The following LGR5 variants were observed in gnomAD, a reference collection of about 807,000 sequenced individuals.
LGR5 encodes the protein leucine rich repeat containing G protein-coupled receptor 5.
Under a neutral mutation model 76.7 loss-of-function variants are expected in LGR5, and 54 were observed. That is an observed-to-expected ratio of 0.70 (90% CI 0.57 to 0.88). LGR5 has a LOEUF of 0.88. LGR5 is among the 40% of genes least tolerant of loss of function. The pLI, the probability that LGR5 is intolerant of heterozygous loss-of-function variation, is 0.00. For missense variants in LGR5, 1,078 were observed against 1,073.3 expected (o/e 1.00, Z -0.06); for synonymous variants, 406 against 421.9 (o/e 0.96, Z 0.46).
At chr12:71,527,029 A>G (rs1208576654) in intron 3 of LGR5, among the ~76,000 whole-genome samples, 4 of 152,070 alleles carry the variant, frequency 2.6e-5, no homozygotes, top group African/African-American at 7.2e-5. Flanking sequence ...GGGATCCCAT[A>G]TGTTAAGTCA....
Position 71,585,511 on chromosome 12 carries a change from C to T in LGR5, c.*777C>T, listed in dbSNP as rs1879284236. ...GTTTTTAACTCCTTGGTGCCCAAAG[C>T]TCAGAAGGGAATTCCACTGCCAGCA... On this transcript the variant is annotated 3_prime_UTR_variant, in exon 18 of 18. Transcript: ENST00000266674. The T allele has an allele frequency of 6.6e-6, 1 of 152,180 alleles. No individual in the cohort carries two copies. The highest frequency in any genetic ancestry group is 1.9e-4 in the East Asian group (1 of 5,194). The allele number at this position is 152,180 out of a possible 1,614,324, so 9.4% of individuals were successfully genotyped here. A position where few individuals can be genotyped will look rare whatever the true frequency, so the allele number is the denominator to read the frequency against.
At chr12:71,486,683 C>T (rs55839623) in intron 1 of LGR5, among the ~76,000 whole-genome samples, 13,629 of 152,044 alleles carry the variant, frequency 0.09, 653 homozygotes, top group Non-Finnish European at 0.11. Flanking sequence ...ATCAAGAACC[C>T]GTTTATTTTG....
At chr12:71,507,624 A>G (rs1404627973) in intron 2 of LGR5, among the ~76,000 whole-genome samples, 5 of 152,188 alleles carry the variant, frequency 3.3e-5, no homozygotes, top group Non-Finnish European at 7.4e-5. Flanking sequence ...GTCTTCGATA[A>G]TATTTTTTAC....
intron 3 of LGR5, among the ~76,000 whole-genome samples, chr12:71,531,936 G>A (rs1383540985): frequency 6.6e-6 from 1 of 152,084 alleles, no homozygotes; most frequent in East Asian, 1.9e-4. Context: ...GATATATAAA[G>A]CAGCAGAGAA....
intron 6 of LGR5, among the ~76,000 whole-genome samples, chr12:71,559,299 C>T (rs1412870008): frequency 4.6e-5 from 7 of 152,172 alleles, no homozygotes; most frequent in Admixed American, 3.3e-4. Flanking sequence ...ATCTCTCCTA[C>T]TTAGAAGTTA....
chr12:71,556,163 C>T (rs777670205), intron 5 of LGR5, among the ~76,000 whole-genome samples: 1 of 151,956 alleles, frequency 6.6e-6, no homozygotes, highest in Non-Finnish European at 1.5e-5. Context: ...CACGCTGGGG[C>T]CTCTCAGAGG....
chr12:71,553,547 T>C (rs1877604720), intron 5 of LGR5, among the ~76,000 whole-genome samples: 1 of 152,152 alleles, frequency 6.6e-6, no homozygotes, highest in Non-Finnish European at 1.5e-5. Flanking sequence ...GAGAAGCCCC[T>C]TGCATGTTGC....
At chr12:71,553,872 C>T (rs964645603) in intron 5 of LGR5, among the ~76,000 whole-genome samples, 2 of 152,186 alleles carry the variant, frequency 1.3e-5, no homozygotes, top group Non-Finnish European at 2.9e-5. Flanking sequence ...GGGTGTATCA[C>T]TTGAGGTCAG....
At chr12:71,514,985 C>T (rs1466165865) in intron 2 of LGR5, among the ~76,000 whole-genome samples, 1 of 152,156 alleles carries the variant, frequency 6.6e-6, no homozygotes, top group East Asian at 1.9e-4. Context: ...ACTAAATTGG[C>T]TTCTGCAAAT....
At chr12:71,455,606 C>T (rs2137217558) in intron 1 of LGR5, among the ~76,000 whole-genome samples, 1 of 152,300 alleles carries the variant, frequency 6.6e-6, no homozygotes, top group African/African-American at 2.4e-5. Context: ...TTCTGCCTCT[C>T]TCTAGCAGGA....
intron 1 of LGR5, among the ~76,000 whole-genome samples, chr12:71,474,461 T>C (rs1404616789): frequency 2.0e-5 from 3 of 152,212 alleles, no homozygotes; most frequent in Non-Finnish European, 2.9e-5. Flanking sequence ...ATTGAAACTG[T>C]CTTGGCACTT....
At chr12:71,538,918 T>G (rs1876737584) in intron 4 of LGR5, among the ~76,000 whole-genome samples, 1 of 152,238 alleles carries the variant, frequency 6.6e-6, no homozygotes, top group African/African-American at 2.4e-5. Flanking sequence ...CACTCTTCTA[T>G]GAGCTAATAA....
chr12:71,573,536 TA>T (rs5799049), intron 13 of LGR5, among the ~76,000 whole-genome samples: 3,435 of 150,734 alleles, frequency 0.023, 143 homozygotes, highest in African/African-American at 0.078. Flanking sequence ...TAAATTTTTT[TA>T]AAAAACTTAC....
rs185537832 is a variant in LGR5, at chr12:71,461,861, G to T, written c.212+21569G>T. 4.8e-3 allele frequency among the ~76,000 whole-genome samples: 735 copies of T among 152,160 alleles called. 2 individuals carry two copies. The highest frequency in any genetic ancestry group is 7.7e-3 in the Non-Finnish European group (525 of 67,992). On this transcript the variant is annotated intron_variant, in intron 1 of 17. Coordinates refer to ENST00000266674, the MANE Select transcript of LGR5 (RefSeq NM_003667.4). ...TCATCCTGGACCACTCTCCAGCATTGCACTCTGATGACCATCCCCTTGTCC... is the reference window on the plus strand; with the variant it reads ...TCATCCTGGACCACTCTCCAGCATTTCACTCTGATGACCATCCCCTTGTCC...
rs368743730 is a variant in LGR5 at position 71,504,611 on chromosome 12, C to G, written c.213-3C>G. 6.2e-6 allele frequency: 10 copies of G among 1,613,612 alleles called. No individual in the cohort carries two copies. The highest frequency in any genetic ancestry group is 2.7e-5 in the African/African-American group (2 of 74,898). On this transcript the variant is annotated splice_region_variant and splice_polypyrimidine_tract_variant and intron_variant, in intron 1 of 17. Coordinates refer to ENST00000266674, the MANE Select transcript of LGR5 (RefSeq NM_003667.4). ...CTCACACGCTGTCTGTTTTCCCCCC[C>G]AGAGACCTCAGTATGAACAACATCA...
At chr12:71,572,785 T>G in intron 12 of LGR5, 65 bp from the exon 13 acceptor site, 1 of 1,233,410 alleles carries the variant, frequency 8.1e-7, no homozygotes, top group African/African-American at 1.5e-5. Context: ...ATAAAAGTTA[T>G]CTGAAGTCTG....
At chr12:71,561,922 T>G (rs1878080069) in intron 8 of LGR5, 70 bp downstream of exon 8, 1 of 917,822 alleles carries the variant, frequency 1.1e-6, no homozygotes, top group Admixed American at 2.5e-5. Context: ...TGAAATACAA[T>G]GAATATTCTA....
chr12:71,577,910 C>CT lies in LGR5; in HGVS notation c.1209-8dup, dbSNP rs770877541. On this transcript the variant is annotated splice_polypyrimidine_tract_variant and intron_variant, in intron 13 of 17. Transcript: ENST00000266674. ...TATTCTATATAATTCTCTCATTTGC[C>CT]TTTTTTTACAATAGGAATTTGGCTT... 4.4e-6 allele frequency: 7 copies of CT among 1,590,210 alleles called. No homozygotes were observed. Among genetic ancestry groups the CT allele is most frequent in the East Asian group, 2.2e-5 (1 of 44,758 alleles).
At chr12:71,516,809 A>C (rs1170365240) in intron 2 of LGR5, among the ~76,000 whole-genome samples, 1 of 152,160 alleles carries the variant, frequency 6.6e-6, no homozygotes, top group African/African-American at 2.4e-5. Flanking sequence ...TTCTTTTAAT[A>C]GCAATTAAGT....
Sources: gnomAD v4.1 joint callset for allele counts (sites outside exome capture counted in the v4.1 genomes callset) on GRCh38, gnomAD v4.1.1 for gene constraint, MANE v1.5 for transcripts, NCBI Gene and HGNC (gene_info 2026-07-23, HGNC 2026-07-21) for gene names.